Variants in NDUFB8 observed in about 807,000 individuals in gnomAD.
NDUFB8 encodes the protein NADH:ubiquinone oxidoreductase subunit B8, also known as NADH dehydrogenase [ubiquinone] 1 beta subcomplex subunit 8, mitochondrial.
NDUFB8 carries 17 observed loss-of-function variants against 26.0 expected under a neutral mutation model. That is an observed-to-expected ratio of 0.65 (90% confidence interval 0.45 to 0.98). The LOEUF (loss-of-function observed/expected upper bound fraction) is 0.98, where lower values mean the gene tolerates loss of function less well. Among genes scored for constraint, NDUFB8 ranks in the 50% least tolerant of loss-of-function variants. NDUFB8 has a pLI of 0.00. For synonymous variants in NDUFB8, 89 were observed against 93.1 expected (o/e 0.96, Z 0.25); for missense variants, 238 against 255.0 (o/e 0.93, Z 0.45).
At chr10:100,526,310 A>G in intron 4 of NDUFB8, 89 bp downstream of exon 4, 1 of 1,440,258 alleles carries the variant, frequency 6.9e-7, no homozygotes. Context: ...CAAGCTTGGT[A>G]TTGACTGGAT....
In NDUFB8 at chr10:100,524,007, A is replaced by G; in HGVS notation, c.469-78T>C. Reference sequence around the variant, plus strand: ...TACACCCCACTCTGAGTTAACAATCACGCATGGTAAATGGGTACACAGTAG... The same window carrying G: ...TACACCCCACTCTGAGTTAACAATCGCGCATGGTAAATGGGTACACAGTAG... On this transcript the variant is annotated intron_variant, in intron 4 of 4. Transcript: ENST00000299166. This position sits in a 1 kb window ranked among gnomAD's most constrained non-coding sequence, Gnocchi z 4.0. The G allele has an allele frequency of 1.2e-6, 2 of 1,603,584 alleles. No homozygotes were observed. Among genetic ancestry groups the G allele is most frequent in the South Asian group, 1.1e-5 (1 of 89,470 alleles).
chr10:100,529,751 GC>G lies in NDUFB8; in HGVS notation c.85+15del. On this transcript the variant is annotated intron_variant, in intron 1 of 4. Transcript: ENST00000299166. ...TACCCCCTTCCCACACTGAGGTCTCGCCCGTTCTCGCGGACCTGTCCGTGCG... is the reference window on the plus strand; with the variant it reads ...TACCCCCTTCCCACACTGAGGTCTCGCCGTTCTCGCGGACCTGTCCGTGCG... The G allele has an allele frequency of 6.2e-7, 1 of 1,611,524 alleles. No homozygotes were observed. Among genetic ancestry groups the G allele is most frequent in the Non-Finnish European group, 8.5e-7 (1 of 1,179,288 alleles).
chr10:100,529,888 A>G (rs998892558), upstream of NDUFB8: 1 of 1,606,214 alleles, frequency 6.2e-7, no homozygotes. Flanking sequence ...GCACATGCGC[A>G]AAGGCCTGTC....
In NDUFB8 at chr10:100,529,400, A is replaced by G; in HGVS notation, c.192T>C (p.Pro64=). Residue 64 remains proline (P), a synonymous_variant, in exon 2 of 5, where the codon CCT becomes CCC. Transcript: ENST00000299166. ...KYNMRVEDYE[P]YPDDGMGYGD... is the part of the protein sequence containing the mutation. ...CTCACCCCATGCCATCATCCGGGTA[A>G]GGTTCGTAGTCTTCCACACGCATAT... is the stretch of plus-strand genomic sequence containing the variant. 1 of 1,611,022 alleles carries G rather than the reference A, an allele frequency of 6.2e-7. No homozygotes were observed. The highest frequency in any genetic ancestry group is 8.5e-7 in the Non-Finnish European group (1 of 1,178,928).
intron 1 of NDUFB8, 129 bp from the exon 2 acceptor site, chr10:100,529,635 T>A (rs906339284): frequency 1.9e-6 from 3 of 1,542,288 alleles, no homozygotes; most frequent in Admixed American, 4.0e-5. Flanking sequence ...CCACCCCATT[T>A]TCTGGATATA....
rs1012383925 is a variant in NDUFB8 at position 100,524,222 on chromosome 10, AAGAG to A, written c.469-297_469-294del. On this transcript the variant is annotated intron_variant, in intron 4 of 4. Coordinates refer to ENST00000299166, the MANE Select transcript of NDUFB8 (RefSeq NM_005004.4). This position sits in a 1 kb window ranked among gnomAD's most constrained non-coding sequence, Gnocchi z 4.0. Reference sequence around the variant, plus strand: ...AGGAAGACAGGGAGGGAGGTAAAGAAAGAGAGAAGAGTGTGTTAGAGTCAGAGGC... The same window carrying A: ...AGGAAGACAGGGAGGGAGGTAAAGAAAGAAGAGTGTGTTAGAGTCAGAGGC... 8.2e-6 allele frequency: 10 copies of A among 1,213,058 alleles called. No homozygotes were observed. The Admixed American group carries it at 1.4e-4, about 17-fold the overall frequency. 75.1% of individuals were successfully genotyped at this position (1,213,058 alleles called of 1,614,324 possible). A position where few individuals can be genotyped will look rare whatever the true frequency, so the allele number is the denominator to read the frequency against.
At chr10:100,525,717 CGTGTGTGTGTGTGTGTGTGTGT>C (rs71013460) in intron 4 of NDUFB8, among the ~76,000 whole-genome samples, 4 of 46,054 alleles carry the variant, frequency 8.7e-5, no homozygotes, top group South Asian at 8.1e-4. Context: ...TAAGCACATA[CGTGTGTGTGTGTGTGTGTGTGT>C]GTGTGTGTGT....
At chr10:100,525,356 A>T (rs780736571) in intron 4 of NDUFB8, among the ~76,000 whole-genome samples, 33 of 151,772 alleles carry the variant, frequency 2.2e-4, no homozygotes, top group Non-Finnish European at 3.5e-4. Flanking sequence ...TCCCAAGTTC[A>T]AAGGATTCCT....
chr10:100,527,067 C>T lies in NDUFB8; in HGVS notation c.220G>A (p.Asp74Asn), dbSNP rs765790228. 7 of 1,613,790 alleles carry T rather than the reference C, an allele frequency of 4.3e-6. No homozygotes were observed. The highest frequency in any genetic ancestry group is 2.2e-5 in the South Asian group (2 of 91,042). Reference sequence around the variant, plus strand: ...GAGCGGTCAGGGAGCTTCGGGTAGTCGCCATACCTGAAAGACAGCAAGAAC... The same window carrying T: ...GAGCGGTCAGGGAGCTTCGGGTAGTTGCCATACCTGAAAGACAGCAAGAAC... ...PYPDDGMGYG[D>N]YPKLPDRSQH... is the part of the protein sequence containing the mutation. Residue 74 changes from aspartate (D) to asparagine (N), a missense_variant, in exon 3 of 5, where the codon GAC (aspartate) becomes AAC (asparagine). Physicochemically the swap from Asp to Asn is conservative, Grantham distance 23. Transcript: ENST00000299166.
At chr10:100,525,765 T>TGTGTGTGTGTGTGTGTGTG (rs1184826133) in intron 4 of NDUFB8, among the ~76,000 whole-genome samples, 1 of 134,834 alleles carries the variant, frequency 7.4e-6, no homozygotes, top group African/African-American at 2.7e-5. Flanking sequence ...TGTGTGTGTG[T>TGTGTGTGTGTGTGTGTGTG]TAGCATCTAG....
intron 3 of NDUFB8, 45 bp downstream of exon 3, chr10:100,526,930 A>G (rs767906339): frequency 5.2e-5 from 81 of 1,564,706 alleles, no homozygotes; most frequent in Non-Finnish European, 7.0e-5. Flanking sequence ...AATCGCCAAG[A>G]AGACAAAGAG....
rs756834055 is a variant in NDUFB8, at chr10:100,526,558, A to T, written c.313-4T>A. The T allele has an allele frequency of 5.6e-6, 9 of 1,613,324 alleles. No homozygotes were observed. The Admixed American group carries it at 1.5e-4, about 27-fold the overall frequency. ...ACATGTCTAGGTGCCAGTGCATCTG[A>T]GGCAGAAAGACAAATAGCTGTCACA... On this transcript the variant is annotated splice_region_variant and splice_polypyrimidine_tract_variant and intron_variant, in intron 3 of 4. Coordinates refer to ENST00000299166, the MANE Select transcript of NDUFB8 (RefSeq NM_005004.4).
intron 2 of NDUFB8, among the ~76,000 whole-genome samples, chr10:100,528,455 A>T (rs184515786): frequency 7.2e-5 from 11 of 152,288 alleles, no homozygotes; most frequent in African/African-American, 2.6e-4. Context: ...ATCCAAAGTC[A>T]CCCAGCTAAT....
rs1343338118 is a variant in NDUFB8 at position 100,527,152 on chromosome 10, GAAAC to G, written c.213-82_213-79del. 4.2e-6 allele frequency: 5 copies of G among 1,185,306 alleles called. No individual in the cohort carries two copies. In the African/African-American group the frequency reaches 7.6e-5, roughly 18 times the overall value. 73.4% of individuals were successfully genotyped at this position (1,185,306 alleles called of 1,614,324 possible). On this transcript the variant is annotated intron_variant, in intron 2 of 4. Coordinates refer to ENST00000299166, the MANE Select transcript of NDUFB8 (RefSeq NM_005004.4). ...CAGAGTCTCCTCATCTTATAGATGA[GAAAC>G]AAAGTGACAGAGATAACTGCCTCAC... is the stretch of plus-strand genomic sequence containing the variant.
rs993462829 is a variant in NDUFB8 at position 100,527,943 on chromosome 10, C to T, written c.213-869G>A. On this transcript the variant is annotated intron_variant, in intron 2 of 4. Transcript: ENST00000299166. ...CAAGCAATTCTCCCGCCTCAGCCTC[C>T]CAAGTAGCTGGGATTACAGGCACCT... Among the ~76,000 whole-genome samples the T allele has an allele frequency of 3.3e-5, 5 of 152,302 alleles. No individual in the cohort carries two copies. The East Asian group carries it at 7.7e-4, about 23-fold the overall frequency.
chr10:100,529,505 G>A lies in NDUFB8; in HGVS notation c.87C>T (p.Ala29=), dbSNP rs781076920. ...GGAACATGTCCTTGGTCATGTGGGA[G>A]GCTAGAACGCAGAAGAGAACAGGTC... ...RNVMPLGART[A]SHMTKDMFPG... Residue 29 remains alanine (A), a splice_region_variant and synonymous_variant, in exon 2 of 5, where the codon GCC becomes GCT. Coordinates refer to ENST00000299166, the MANE Select transcript of NDUFB8 (RefSeq NM_005004.4). The A allele has an allele frequency of 3.7e-6, 6 of 1,611,702 alleles. No individual in the cohort carries two copies. Among genetic ancestry groups the A allele is most frequent in the South Asian group, 1.1e-5 (1 of 90,908 alleles).
chr10:100,526,168 C>T (rs1043021802), intron 4 of NDUFB8: 15 of 407,184 alleles, frequency 3.7e-5, no homozygotes, highest in African/African-American at 3.1e-4. Context: ...ACTCATTGCT[C>T]ATCTAGTCTT....
At chr10:100,529,267 T>A (rs367943036) in intron 2 of NDUFB8, 113 bp downstream of exon 2, 2 of 650,020 alleles carry the variant, frequency 3.1e-6, no homozygotes, top group Non-Finnish European at 4.0e-6. Context: ...CCCACTCCAT[T>A]GACTCTGAGG....
intron 1 of NDUFB8, 24 bp from the exon 2 acceptor site, chr10:100,529,530 C>G: frequency 6.2e-7 from 1 of 1,607,122 alleles, no homozygotes; most frequent in Non-Finnish European, 8.5e-7. Context: ...GAGAACAGGT[C>G]AGAAGCGAGC....
Sources: allele counts gnomAD v4.1 joint callset (sites outside exome capture counted in the v4.1 genomes callset), GRCh38; gene constraint gnomAD v4.1.1; non-coding constraint Gnocchi (gnomAD v3.1); transcripts MANE v1.5; gene names NCBI Gene and HGNC (gene_info 2026-07-23, HGNC 2026-07-21).